EMC3: variants seen among roughly 807,000 people sequenced by gnomAD.
EMC3 encodes 30 kDa protein.
EMC3 carries 13 observed loss-of-function variants against 36.6 expected under a neutral mutation model. That is an observed-to-expected ratio of 0.35 (90% CI 0.23 to 0.56). The LOEUF (loss-of-function observed/expected upper bound fraction) is 0.56. Ranked by LOEUF, EMC3 falls within the 20% of genes least tolerant of loss-of-function variation. The pLI is 0.84. For missense variants in EMC3, 220 were observed against 324.5 expected, an observed-to-expected ratio of 0.68 and a Z score of 2.47; for synonymous variants, 120 against 111.9, an observed-to-expected ratio of 1.07 and a Z score of -0.46.
chr3:10,006,935 C>G (rs1388776059), intron 1 of EMC3: 1 of 309,348 alleles, frequency 3.2e-6, no homozygotes, highest in Non-Finnish European at 6.4e-6. Flanking sequence ...GCCTGCAGCA[C>G]TTTCCTGCAA....
rs545186730 is a variant in EMC3 at position 9,986,761 on chromosome 3, C to T, written c.-100G>A. The T allele has an allele frequency of 1.5e-5, 24 of 1,548,952 alleles. No individual in the cohort carries two copies. In the South Asian group the frequency reaches 2.3e-4, roughly 15 times the overall value. ...TTCGCCTCCGGGCCTTCTCAAGCCC[C>T]TTTGCCCGTGTACCCCAGAACTCTC... On this transcript the variant is annotated 5_prime_UTR_variant, in exon 1 of 8. Coordinates refer to ENST00000245046, the MANE Select transcript of EMC3 (RefSeq NM_001394674.1).
intron 1 of EMC3, among the ~76,000 whole-genome samples, chr3:9,996,656 G>C (rs1025161876): frequency 3.9e-5 from 6 of 152,040 alleles, no homozygotes; most frequent in African/African-American, 1.4e-4. Context: ...TTTTGGACTA[G>C]GTAATATACA....
intron 5 of EMC3, among the ~76,000 whole-genome samples, chr3:9,972,453 A>T (rs1349726178): frequency 6.4e-5 from 8 of 125,018 alleles, no homozygotes; most frequent in African/African-American, 2.1e-4. Context: ...TTTTCAGTGG[A>T]GTTTCAATGA....
At chr3:10,009,888 C>G (rs1053363398) in intron 1 of EMC3, 8 of 152,216 alleles carry the variant, frequency 5.3e-5, no homozygotes, top group African/African-American at 1.9e-4. Flanking sequence ...CGTGAGGGAC[C>G]CAGCCCCCTT....
At chr3:9,994,427 G>T (rs929960393) in intron 1 of EMC3, 4 of 523,384 alleles carry the variant, frequency 7.6e-6, no homozygotes, top group Non-Finnish European at 1.4e-5. Flanking sequence ...AAGTAGCTCT[G>T]AACTGGGTCT....
upstream of EMC3, among the ~76,000 whole-genome samples, chr3:9,989,604 A>C (rs2086021312): frequency 6.6e-6 from 1 of 152,214 alleles, no homozygotes; most frequent in African/African-American, 2.4e-5. Flanking sequence ...ACTATCTTAA[A>C]AGCTTTCATG....
intron 5 of EMC3, among the ~76,000 whole-genome samples, chr3:9,971,724 G>A (rs1352144189): frequency 6.6e-6 from 1 of 152,216 alleles, no homozygotes; most frequent in Non-Finnish European, 1.5e-5. Flanking sequence ...CTCATATAAT[G>A]TACAGCTTTT....
At chr3:9,994,341 T>C (rs1399052891) in intron 1 of EMC3, 3 of 790,070 alleles carry the variant, frequency 3.8e-6, no homozygotes, top group Admixed American at 1.8e-5. Context: ...GAAATACTTA[T>C]TTTGGCAAGG....
At chr3:9,980,554 G>GTTTTTTTTTTT in intron 1 of EMC3, among the ~76,000 whole-genome samples, 1 of 130,916 alleles carries the variant, frequency 7.6e-6, no homozygotes, top group Non-Finnish European at 1.6e-5. Flanking sequence ...TGTTTTTTTT[G>GTTTTTTTTTTT]TTTTTTTTTT....
At chr3:9,998,830 C>G (rs1181381566) in intron 1 of EMC3, among the ~76,000 whole-genome samples, 1 of 152,154 alleles carries the variant, frequency 6.6e-6, no homozygotes, top group Non-Finnish European at 1.5e-5. Flanking sequence ...GATCCTGGCT[C>G]ACTGCAACCT....
At chr3:10,002,839 A>T in intron 1 of EMC3, 1 of 452,514 alleles carries the variant, frequency 2.2e-6, no homozygotes, top group Non-Finnish European at 4.4e-6. Context: ...CAGCAACAGT[A>T]GTGCAGACCC....
upstream of EMC3, chr3:9,988,617 T>C (rs2086007610): frequency 1.2e-5 from 11 of 903,794 alleles, no homozygotes; most frequent in East Asian, 2.4e-5. Flanking sequence ...TATGGACACA[T>C]TGGCTCTTAG....
At chr3:10,000,251 G>C (rs1189356592) in intron 1 of EMC3, among the ~76,000 whole-genome samples, 1 of 151,974 alleles carries the variant, frequency 6.6e-6, no homozygotes, top group African/African-American at 2.4e-5. Context: ...TGTTGGCCAG[G>C]CTGGTCTCGA....
At chr3:9,977,150 G>A in intron 2 of EMC3, 100 bp from the exon 3 acceptor site, 1 of 973,284 alleles carries the variant, frequency 1.0e-6, no homozygotes. Flanking sequence ...TTTAGGATAT[G>A]CTGTTCCGCT....
chr3:10,005,470 T>G (rs2086253268), intron 1 of EMC3, among the ~76,000 whole-genome samples: 2 of 152,194 alleles, frequency 1.3e-5, no homozygotes, highest in Admixed American at 6.5e-5. Flanking sequence ...TCATACTGTA[T>G]TTCAGGAATA....
chr3:10,004,944 G>C (rs1360046513), intron 1 of EMC3: 1 of 152,304 alleles, frequency 6.6e-6, no homozygotes, highest in African/African-American at 2.4e-5. Context: ...AGTCAGTATA[G>C]TTGGGAGGCA....
chr3:10,001,134 A>T (rs1461732317), intron 1 of EMC3, among the ~76,000 whole-genome samples: 1 of 151,908 alleles, frequency 6.6e-6, no homozygotes, highest in Admixed American at 6.6e-5. Flanking sequence ...ATCCACTTTG[A>T]GTTAATGTTT....
At chr3:9,964,328 C>T (rs1432340835) in intron 7 of EMC3, 131 bp from the exon 8 acceptor site, 5 of 1,402,976 alleles carry the variant, frequency 3.6e-6, no homozygotes, top group Non-Finnish European at 4.7e-6. Flanking sequence ...CTCATTCAAT[C>T]CTACAAGGGA....
At chr3:10,001,540 T>G (rs1157112915) in intron 1 of EMC3, among the ~76,000 whole-genome samples, 1 of 150,740 alleles carries the variant, frequency 6.6e-6, no homozygotes, top group East Asian at 2.0e-4. Context: ...ATTGTGCCAC[T>G]GCACTCCAGC....
Sources: allele counts gnomAD v4.1 joint callset (sites outside exome capture counted in the v4.1 genomes callset), GRCh38; gene constraint gnomAD v4.1.1; transcripts MANE v1.5; gene names NCBI Gene and HGNC (gene_info 2026-07-23, HGNC 2026-07-21).